The following SUFU variants were observed in gnomAD, a reference collection of about 807,000 sequenced individuals.
SUFU encodes the protein suppressor of fused homolog.
Under a neutral mutation model 58.9 loss-of-function variants are expected in SUFU, and 7 were observed. That is an observed-to-expected ratio of 0.12 (90% CI 0.07 to 0.22). The LOEUF is 0.22. Ranked by LOEUF, SUFU falls within the 10% of genes least tolerant of loss-of-function variation. SUFU has a pLI of 1.00. For missense variants in SUFU, 451 were observed against 641.3 expected (o/e 0.70, Z 3.20); for synonymous variants, 232 against 254.8 (o/e 0.91, Z 0.85).
intron 9 of SUFU, among the ~76,000 whole-genome samples, chr10:102,616,905 G>A (rs943671391): frequency 2.2e-4 from 34 of 152,270 alleles, no homozygotes; most frequent in Middle Eastern, 6.8e-3. Context: ...CTTCACCTCC[G>A]TCCCCTAAGG....
intron 10 of SUFU, chr10:102,618,750 C>G: frequency 2.2e-6 from 1 of 457,968 alleles, no homozygotes; most frequent in South Asian, 4.7e-5. Flanking sequence ...TAGCCCAGCA[C>G]AAGTGGAAAG....
At chr10:102,620,835 C>T (rs895101387) in intron 10 of SUFU, among the ~76,000 whole-genome samples, 1 of 152,196 alleles carries the variant, frequency 6.6e-6, no homozygotes, top group Non-Finnish European at 1.5e-5. Context: ...TTCATCCGTC[C>T]CCAGCCAGGG....
intron 8 of SUFU, among the ~76,000 whole-genome samples, chr10:102,603,422 G>C (rs1177657969): frequency 1.3e-5 from 2 of 152,146 alleles, no homozygotes; most frequent in Non-Finnish European, 2.9e-5. Context: ...CCTGAGGCTG[G>C]GAACTCTTAG....
chr10:102,536,790 G>A (rs1270088355), intron 2 of SUFU, among the ~76,000 whole-genome samples: 1 of 151,988 alleles, frequency 6.6e-6, no homozygotes, highest in Non-Finnish European at 1.5e-5. Flanking sequence ...GTGGCATAAT[G>A]TACATAACTT....
At chr10:102,523,263 G>A (rs188857178) in intron 2 of SUFU, among the ~76,000 whole-genome samples, 124 of 152,266 alleles carry the variant, frequency 8.1e-4, no homozygotes, top group African/African-American at 3.0e-3. Flanking sequence ...CCACAGGAAG[G>A]CCAATCAAAG....
intron 2 of SUFU, among the ~76,000 whole-genome samples, chr10:102,532,214 C>T (rs889244686): frequency 1.6e-4 from 25 of 152,278 alleles, no homozygotes; most frequent in African/African-American, 6.0e-4. Flanking sequence ...AGTGATTCTC[C>T]CATCTCTGCC....
chr10:102,551,838 C>T (rs912669830), intron 3 of SUFU, among the ~76,000 whole-genome samples: 5 of 144,240 alleles, frequency 3.5e-5, no homozygotes, highest in African/African-American at 1.3e-4. Context: ...CATTCTCCTG[C>T]TTGAGCCTCC....
At chr10:102,506,453 A>G (rs890721656) in intron 1 of SUFU, among the ~76,000 whole-genome samples, 1 of 151,996 alleles carries the variant, frequency 6.6e-6, no homozygotes, top group Non-Finnish European at 1.5e-5. Flanking sequence ...ATCTTGGCTT[A>G]CTGCAACCTC....
intron 3 of SUFU, 29 bp from the exon 4 acceptor site, chr10:102,592,553 C>A (rs1380765719): frequency 6.2e-7 from 1 of 1,613,558 alleles, no homozygotes; most frequent in East Asian, 2.2e-5. Flanking sequence ...GGGCCTTGAA[C>A]AATGAGGATC....
chr10:102,518,498 T>A (rs1400387552), intron 2 of SUFU, among the ~76,000 whole-genome samples: 2 of 149,578 alleles, frequency 1.3e-5, no homozygotes, highest in Non-Finnish European at 3.0e-5. Context: ...AGAAGCTATC[T>A]ATCTAACTGT....
rs2062368759 is a variant in SUFU, at chr10:102,509,224, C to G, written c.238C>G (p.Pro80Ala). 1 of 1,614,190 alleles carries G rather than the reference C, an allele frequency of 6.2e-7. No homozygotes were observed. Among genetic ancestry groups the G allele is most frequent in the Non-Finnish European group, 8.5e-7 (1 of 1,180,044 alleles). ...TAGCATGTACAGGAATGTGGGGAGC[C>G]CTTCTGCTAACATCCCCGAGCACTG... ...YVSMYRNVGS[P>A]SANIPEHWHY... Residue 80 changes from proline (P) to alanine (A), a missense_variant, in exon 2 of 12, where the codon CCT becomes GCT. Transcript: ENST00000369902.
chr10:102,560,806 A>G (rs950877485), intron 3 of SUFU, among the ~76,000 whole-genome samples: 9 of 151,874 alleles, frequency 5.9e-5, no homozygotes, highest in Non-Finnish European at 2.9e-5. Flanking sequence ...GCGTCCTCGT[A>G]TATGTACATC....
At chr10:102,554,962 A>C (rs940810732) in intron 3 of SUFU, among the ~76,000 whole-genome samples, 1 of 152,134 alleles carries the variant, frequency 6.6e-6, no homozygotes, top group Non-Finnish European at 1.5e-5. Flanking sequence ...ATCATTATTC[A>C]GTCTTTAAAA....
chr10:102,562,171 G>A (rs1299936888), intron 3 of SUFU, among the ~76,000 whole-genome samples: 1 of 152,112 alleles, frequency 6.6e-6, no homozygotes, highest in African/African-American at 2.4e-5. Context: ...GCCTCCTCTT[G>A]CCTTCCCAAA....
chr10:102,561,848 T>C (rs982484312), intron 3 of SUFU, among the ~76,000 whole-genome samples: 1 of 152,032 alleles, frequency 6.6e-6, no homozygotes, highest in Non-Finnish European at 1.5e-5. Context: ...TTTAAATTTT[T>C]TGTGGAGACA....
At chr10:102,539,734 A>G (rs1339318203) in intron 2 of SUFU, among the ~76,000 whole-genome samples, 1 of 152,188 alleles carries the variant, frequency 6.6e-6, no homozygotes, top group African/African-American at 2.4e-5. Context: ...TCATTTATTT[A>G]TATCAATGTA....
chr10:102,605,283 G>A (rs1045776081), intron 8 of SUFU, among the ~76,000 whole-genome samples: 28 of 152,116 alleles, frequency 1.8e-4, no homozygotes, highest in African/African-American at 6.7e-4. Flanking sequence ...GGGAGGCTGA[G>A]GCAGAAAGAG....
chr10:102,593,411 G>C (rs1281920211), intron 4 of SUFU, among the ~76,000 whole-genome samples: 4 of 152,160 alleles, frequency 2.6e-5, no homozygotes, highest in Non-Finnish European at 4.4e-5. Context: ...GACACAGCAA[G>C]GGCAAGGGTC....
At position 102,628,503 on chromosome 10, in the gene SUFU, C is replaced by T. The variant is rs1272432030; in HGVS notation, c.1365+1260C>T. The stretch of plus-strand genomic sequence containing the variant: ...CAGACCAGAGCCAGCTGCCCAGAAG[C>T]GCTTCCGGAGAGGCCTTGTCGCACT... On this transcript the variant is annotated intron_variant, in intron 11 of 11. Transcript: ENST00000369902. The surrounding 1 kb of genome is among the most constrained non-coding windows in gnomAD (Gnocchi z 4.5). Among the ~76,000 whole-genome samples, 2 of 152,164 alleles carry T rather than the reference C, an allele frequency of 1.3e-5. No homozygotes were observed. The highest frequency in any genetic ancestry group is 2.9e-5 in the Non-Finnish European group (2 of 68,040).
Sources: gnomAD v4.1 joint callset for allele counts (sites outside exome capture counted in the v4.1 genomes callset) on GRCh38, gnomAD v4.1.1 for gene constraint, Gnocchi (gnomAD v3.1) non-coding constraint, MANE v1.5 for transcripts, NCBI Gene and HGNC (gene_info 2026-07-23, HGNC 2026-07-21) for gene names.